TTC28: variants seen among roughly 807,000 people sequenced by gnomAD.
TTC28 encodes tetratricopeptide repeat domain 28, also known as tetratricopeptide repeat protein 28.
TTC28 carries 61 observed loss-of-function variants against 198.0 expected under a neutral mutation model. That is an observed-to-expected ratio of 0.31 (90% CI 0.25 to 0.38). The LOEUF (loss-of-function observed/expected upper bound fraction) is 0.38. Among genes scored for constraint, TTC28 ranks in the 10% least tolerant of loss-of-function variants. The pLI is 1.00. For missense variants in TTC28, 2,678 were observed against 3,164.0 expected, an observed-to-expected ratio of 0.85 and a Z score of 3.69; for synonymous variants, 1,171 against 1,297.8, an observed-to-expected ratio of 0.90 and a Z score of 2.10.
At chr22:28,437,090 A>G (rs2047530966) in intron 2 of TTC28, among the ~76,000 whole-genome samples, 1 of 149,912 alleles carries the variant, frequency 6.7e-6, no homozygotes, top group South Asian at 2.1e-4. Flanking sequence ...TATTCTTTTA[A>G]TTTTTTTTTT....
chr22:28,199,383 T>TTATATATA (rs34398046), intron 5 of TTC28, among the ~76,000 whole-genome samples: 2,112 of 118,090 alleles, frequency 0.018, 32 homozygotes, highest in Non-Finnish European at 0.022. Flanking sequence ...ACATTAAAAA[T>TTATATATA]TATATATATA....
intron 5 of TTC28, among the ~76,000 whole-genome samples, chr22:28,269,600 T>C (rs916757269): frequency 1.3e-5 from 2 of 152,240 alleles, no homozygotes; most frequent in African/African-American, 4.8e-5. Flanking sequence ...TTTTACTTGA[T>C]GTTATTCCAC....
At chr22:28,615,867 C>A (rs1268189937) in intron 2 of TTC28, among the ~76,000 whole-genome samples, 2 of 152,096 alleles carry the variant, frequency 1.3e-5, no homozygotes, top group Non-Finnish European at 2.9e-5. Context: ...TTGGGTGCAG[C>A]AAACCACCAT....
At chr22:28,426,927 T>C (rs1044793141) in intron 2 of TTC28, among the ~76,000 whole-genome samples, 1 of 152,204 alleles carries the variant, frequency 6.6e-6, no homozygotes, top group African/African-American at 2.4e-5. Context: ...ACCTCAAACT[T>C]ATCTGCCCTT....
chr22:28,520,824 G>A (rs1383327569), intron 2 of TTC28, among the ~76,000 whole-genome samples: 2 of 151,826 alleles, frequency 1.3e-5, no homozygotes, highest in African/African-American at 2.4e-5. Flanking sequence ...AGGCTGAGGC[G>A]GGCAGATCAC....
intron 2 of TTC28, among the ~76,000 whole-genome samples, chr22:28,324,434 A>C (rs1419128854): frequency 2.6e-5 from 4 of 152,164 alleles, no homozygotes; most frequent in Non-Finnish European, 5.9e-5. Context: ...GACACAAAAA[A>C]AAAAAAGAAA....
At chr22:28,282,172 C>T (rs2044596368) in intron 5 of TTC28, among the ~76,000 whole-genome samples, 1 of 152,120 alleles carries the variant, frequency 6.6e-6, no homozygotes, top group Non-Finnish European at 1.5e-5. Context: ...CCTCATATAG[C>T]TGTTTGTTTT....
At chr22:28,351,722 A>G (rs1316620302) in intron 2 of TTC28, among the ~76,000 whole-genome samples, 1 of 152,202 alleles carries the variant, frequency 6.6e-6, no homozygotes, top group Non-Finnish European at 1.5e-5. Context: ...CTTGGTGTTT[A>G]TGAGAAAATT....
At chr22:28,281,775 T>C (rs907913108) in intron 5 of TTC28, among the ~76,000 whole-genome samples, 11 of 152,238 alleles carry the variant, frequency 7.2e-5, no homozygotes, top group Non-Finnish European at 1.6e-4. Context: ...CTGTTTCTCC[T>C]GAAGTGGGCA....
rs925678015 is a variant in TTC28, at chr22:27,980,413, G to A, written c.*1808C>T. On this transcript the variant is annotated 3_prime_UTR_variant, in exon 23 of 23. Transcript: ENST00000397906. ...GCTTATTGTTGGCTTTTGTCAACAT[G>A]GCTGTTGGTTAAATTAAAAACCCCT... The A allele has an allele frequency of 3.3e-5, 5 of 152,236 alleles. No homozygotes were observed. Among genetic ancestry groups the A allele is most frequent in the African/African-American group, 1.2e-4 (5 of 41,460 alleles). 9.4% of individuals were successfully genotyped at this position (152,236 alleles called of 1,614,324 possible). A position where few individuals can be genotyped will look rare whatever the true frequency, so the allele number is the denominator to read the frequency against.
intron 6 of TTC28, among the ~76,000 whole-genome samples, chr22:28,162,149 C>A (rs1040079124): frequency 6.6e-6 from 1 of 152,148 alleles, no homozygotes; most frequent in African/African-American, 2.4e-5. Context: ...ATAATATCTT[C>A]TAAAAAATTG....
intron 12 of TTC28, chr22:28,056,455 T>C (rs1000902241): frequency 2.6e-5 from 4 of 152,306 alleles, no homozygotes; most frequent in African/African-American, 9.6e-5. Flanking sequence ...ATCATTAACA[T>C]TTTAATAAAA....
intron 5 of TTC28, among the ~76,000 whole-genome samples, chr22:28,181,982 A>G (rs952992994): frequency 1.3e-5 from 2 of 152,244 alleles, no homozygotes; most frequent in Admixed American, 1.3e-4. Context: ...GAGACTTCAT[A>G]GTTCTATTAG....
chr22:28,065,708 A>G (rs1940721510), intron 12 of TTC28, among the ~76,000 whole-genome samples: 1 of 152,180 alleles, frequency 6.6e-6, no homozygotes, highest in Non-Finnish European at 1.5e-5. Context: ...AGCATGACAA[A>G]ATTATTCAAC....
At chr22:28,574,640 A>G (rs538599018) in intron 2 of TTC28, among the ~76,000 whole-genome samples, 1 of 152,320 alleles carries the variant, frequency 6.6e-6, no homozygotes, top group South Asian at 2.1e-4. Context: ...ACATTCCCAC[A>G]AACGGTGTAT....
intron 5 of TTC28, among the ~76,000 whole-genome samples, chr22:28,270,021 T>G (rs979637912): frequency 3.9e-5 from 6 of 152,158 alleles, no homozygotes; most frequent in African/African-American, 1.4e-4. Flanking sequence ...CTCTGTAAAA[T>G]ATTTGAAGAG....
chr22:27,990,949 G>C, intron 19 of TTC28, 137 bp from the exon 20 acceptor site: 1 of 845,092 alleles, frequency 1.2e-6, no homozygotes, highest in South Asian at 1.8e-5. Context: ...TGACTGGGAG[G>C]GGAGAGGAGC....
At chr22:28,311,584 A>G (rs1344273885) in intron 2 of TTC28, among the ~76,000 whole-genome samples, 1 of 152,216 alleles carries the variant, frequency 6.6e-6, no homozygotes, top group Non-Finnish European at 1.5e-5. Flanking sequence ...TAATACAAGC[A>G]TACAACGCAT....
At chr22:28,340,502 A>G (rs1182307519) in intron 2 of TTC28, among the ~76,000 whole-genome samples, 3 of 152,000 alleles carry the variant, frequency 2.0e-5, no homozygotes, top group Non-Finnish European at 4.4e-5. Flanking sequence ...CACCTAATAT[A>G]AAAATCTTGG....
Sources: gnomAD v4.1 joint callset for allele counts (sites outside exome capture counted in the v4.1 genomes callset) on GRCh38, gnomAD v4.1.1 for gene constraint, MANE v1.5 for transcripts, NCBI Gene and HGNC (gene_info 2026-07-23, HGNC 2026-07-21) for gene names.